The following EBF4 variants were observed in gnomAD, a reference collection of about 807,000 sequenced individuals.
EBF4 encodes the protein transcription factor COE4.
Under a neutral mutation model 67.1 loss-of-function variants are expected in EBF4, and 34 were observed. The ratio of observed to expected loss-of-function variants is 0.51; its 90% CI spans 0.39 to 0.67. The LOEUF is 0.67. Among genes scored for constraint, EBF4 ranks in the 30% least tolerant of loss-of-function variants. The pLI is 0.00. For synonymous variants in EBF4, 387 were observed against 377.7 expected (o/e 1.02, Z -0.29); for missense variants, 837 against 873.3 (o/e 0.96, Z 0.52).
intron 6 of EBF4, among the ~76,000 whole-genome samples, chr20:2,721,681 C>T (rs879816553): frequency 6.6e-6 from 1 of 152,186 alleles, no homozygotes; most frequent in Admixed American, 6.5e-5. Context: ...TCTCGAAATC[C>T]TGACCTCAGG....
chr20:2,702,350 C>T (rs967233966), intron 1 of EBF4, among the ~76,000 whole-genome samples: 1 of 151,874 alleles, frequency 6.6e-6, no homozygotes, highest in African/African-American at 2.4e-5. Context: ...ATCACGTGAG[C>T]CTAGGAGGTT....
At chr20:2,719,471 C>T (rs1199287367) in intron 6 of EBF4, among the ~76,000 whole-genome samples, 1 of 152,166 alleles carries the variant, frequency 6.6e-6, no homozygotes, top group African/African-American at 2.4e-5. Context: ...GACGGGGTTT[C>T]ACCATATTGG....
intron 6 of EBF4, among the ~76,000 whole-genome samples, chr20:2,720,798 G>A (rs2087669767): frequency 6.6e-6 from 1 of 152,096 alleles, no homozygotes; most frequent in South Asian, 2.1e-4. Context: ...GGCCTGAAGG[G>A]CATCCTTAAA....
Position 2,728,527 on chromosome 20 carries a change from C to T in EBF4, c.557+18885C>T, listed in dbSNP as rs188085006. 5.9e-5 allele frequency among the ~76,000 whole-genome samples: 9 copies of T among 151,976 alleles called. No homozygotes were observed. In the South Asian group the frequency reaches 1.0e-3, roughly 18 times the overall value. On this transcript the variant is annotated intron_variant, in intron 6 of 16. Transcript: ENST00000609451. Reference sequence around the variant, plus strand: ...GCTGAAGGGAAAAGAGGTTCGGGGGCGGGGGGTTGAAGGGACAAGGTGTTC... The same window carrying T: ...GCTGAAGGGAAAAGAGGTTCGGGGGTGGGGGGTTGAAGGGACAAGGTGTTC...
rs2088076443 is a variant in EBF4, at chr20:2,747,992, A to C, written c.558-557A>C. 6.6e-6 allele frequency among the ~76,000 whole-genome samples: 1 copy of C among 152,136 alleles called. No homozygotes were observed. The highest frequency in any genetic ancestry group is 1.5e-5 in the Non-Finnish European group (1 of 68,032). ...ATCCAAGGCATAAACAGTGTCTACA[A>C]AGAATGTGCTGTGTCTGAGGAGTGT... On this transcript the variant is annotated intron_variant, in intron 6 of 16. Coordinates refer to ENST00000609451, the Ensembl canonical transcript of EBF4. This position sits in a 1 kb window ranked among gnomAD's most constrained non-coding sequence, Gnocchi z 4.6.
rs932171021 is a variant in EBF4 at position 2,751,071 on chromosome 20, G to A, written c.1019-629G>A. Among the ~76,000 whole-genome samples the A allele has an allele frequency of 6.6e-6, 1 of 151,838 alleles. No individual in the cohort carries two copies. Among genetic ancestry groups the A allele is most frequent in the South Asian group, 2.1e-4 (1 of 4,816 alleles). ...AAGGGCGTGGGGAGCTGGGTCAGAC[G>A]CGCATACACACACACACCCCTTGCA... On this transcript the variant is annotated intron_variant, in intron 10 of 16. Transcript: ENST00000609451. This position sits in a 1 kb window ranked among gnomAD's most constrained non-coding sequence, Gnocchi z 5.2.
intron 6 of EBF4, among the ~76,000 whole-genome samples, chr20:2,736,569 C>T (rs1323970154): frequency 6.6e-6 from 1 of 152,202 alleles, no homozygotes; most frequent in African/African-American, 2.4e-5. Flanking sequence ...ACTCATGCTG[C>T]AAGCACAGAC....
chr20:2,714,710 T>C (rs1157278714), intron 6 of EBF4, among the ~76,000 whole-genome samples: 1 of 152,246 alleles, frequency 6.6e-6, no homozygotes. Context: ...TAGGAGTGTG[T>C]ATTAATGAAA....
chr20:2,716,765 T>G (rs376447649), intron 6 of EBF4, among the ~76,000 whole-genome samples: 2 of 152,358 alleles, frequency 1.3e-5, no homozygotes, highest in East Asian at 3.9e-4. Context: ...GTACCAGCTA[T>G]GTCCTATATC....
In EBF4 at chr20:2,739,488, C is replaced by T. The variant is rs1038733604; in HGVS notation, c.558-9061C>T. Among the ~76,000 whole-genome samples, 1 of 152,188 alleles carries T rather than the reference C, an allele frequency of 6.6e-6. No homozygotes were observed. Among genetic ancestry groups the T allele is most frequent in the Non-Finnish European group, 1.5e-5 (1 of 68,038 alleles). On this transcript the variant is annotated intron_variant, in intron 6 of 16. Transcript: ENST00000609451. This position sits in a 1 kb window ranked among gnomAD's most constrained non-coding sequence, Gnocchi z 4.5. Reference sequence around the variant, plus strand: ...CACTTGGCACATCCTCCTGCCGTGCCCACCACTCTGTCTTCCTGAGTTTCT... The same window carrying T: ...CACTTGGCACATCCTCCTGCCGTGCTCACCACTCTGTCTTCCTGAGTTTCT...
intron 7 of EBF4, 121 bp downstream of exon 7, chr20:2,748,751 C>A: frequency 8.5e-7 from 1 of 1,172,454 alleles, no homozygotes; most frequent in Non-Finnish European, 1.2e-6. Context: ...CAGATCTCTG[C>A]CCAGCCCTGT....
At position 2,751,778 on chromosome 20, in the gene EBF4, G is replaced by C. The variant is rs1233871813; in HGVS notation, c.1097G>C (p.Arg366Thr). 6 of 1,549,846 alleles carry C rather than the reference G, an allele frequency of 3.9e-6. No individual in the cohort carries two copies. The East Asian group carries it at 1.5e-4, about 38-fold the overall frequency. Residue 366 changes from arginine (R) to threonine (T), a missense_variant, in exon 11 of 17, where the codon AGG becomes ACG. Arg to Thr is a moderately conservative substitution (Grantham distance 71, BLOSUM62 -1). Around this residue, in one of 3 missense-constraint regions of EBF4, gnomAD observed 525 missense variants for 496.5 expected, o/e 1.06. Transcript: ENST00000609451. The surrounding 1 kb of genome is among the most constrained non-coding windows in gnomAD (Gnocchi z 5.2). ...CCCAGACACCCCGGAGACCCCGAGA[G>C]GCTGCCCAAGGTACTCAGAGGGGCG...
chr20:2,701,599 C>T (rs2146372702), intron 1 of EBF4, among the ~76,000 whole-genome samples: 1 of 152,356 alleles, frequency 6.6e-6, no homozygotes, highest in South Asian at 2.1e-4. Context: ...GGAATTTGGC[C>T]TGAGCACTTG....
chr20:2,752,500 TC>T lies in EBF4; in HGVS notation c.1500del (p.Ser501AlafsTer46), dbSNP rs1203608787. ...CGTGGCCGGCCTCGGCGTGCCTGGG[TC>T]CCCCAGCTTCCTCAATGGCTCCACC... On this transcript the variant is annotated frameshift_variant, in exon 14 of 17. Transcript: ENST00000609451. LOFTEE classifies it high-confidence loss of function. 8.0e-7 allele frequency: 1 copy of T among 1,255,412 alleles called. No homozygotes were observed. 77.8% of individuals were successfully genotyped at this position (1,255,412 alleles called of 1,614,324 possible).
chr20:2,697,466 A>C, intron 1 of EBF4, among the ~76,000 whole-genome samples: 1 of 151,336 alleles, frequency 6.6e-6, no homozygotes. Flanking sequence ...AATGGCGTGA[A>C]CCCGGGAGGC....
intron 1 of EBF4, among the ~76,000 whole-genome samples, chr20:2,703,606 G>A (rs370977522): frequency 6.6e-5 from 10 of 151,910 alleles, no homozygotes; most frequent in African/African-American, 2.4e-4. Flanking sequence ...CGAAGCTGCA[G>A]TGAGCTGTGA....
Position 2,719,536 on chromosome 20 carries a change from G to A in EBF4, c.557+9894G>A, listed in dbSNP as rs560838636. ...GTAATCCAGGCCCTGGCCTCCCAAAGTGCTGGGATTACAGGCATGAACCAC... is the reference window on the plus strand; with the variant it reads ...GTAATCCAGGCCCTGGCCTCCCAAAATGCTGGGATTACAGGCATGAACCAC... On this transcript the variant is annotated intron_variant, in intron 6 of 16. Coordinates refer to ENST00000609451, the Ensembl canonical transcript of EBF4. 3.9e-5 allele frequency among the ~76,000 whole-genome samples: 6 copies of A among 152,252 alleles called. No individual in the cohort carries two copies. The South Asian group carries it at 8.3e-4, about 21-fold the overall frequency.
chr20:2,713,905 G>A (rs1408585271), intron 6 of EBF4, among the ~76,000 whole-genome samples: 1 of 152,198 alleles, frequency 6.6e-6, no homozygotes, highest in African/African-American at 2.4e-5. Flanking sequence ...GTGGAGACAA[G>A]ATCGTTGGAG....
chr20:2,754,773 G>A (rs908503049), intron 14 of EBF4, among the ~76,000 whole-genome samples: 9 of 152,186 alleles, frequency 5.9e-5, no homozygotes, highest in Admixed American at 6.5e-5. Flanking sequence ...GATGCCCCAG[G>A]CCTGAGCCCC....
Sources: allele counts gnomAD v4.1 joint callset (sites outside exome capture counted in the v4.1 genomes callset), GRCh38; gene constraint gnomAD v4.1.1; regional missense constraint gnomAD v4.1.1; non-coding constraint Gnocchi (gnomAD v3.1); transcripts MANE v1.5; gene names NCBI Gene and HGNC (gene_info 2026-07-23, HGNC 2026-07-21).